Variants in RAD54L2 observed in about 807,000 individuals in gnomAD.
The protein encoded by RAD54L2 is RAD54 like 2.
RAD54L2 carries 27 observed loss-of-function variants against 138.4 expected under a neutral mutation model. The ratio of observed to expected loss-of-function variants is 0.20; its 90% CI spans 0.14 to 0.27. The LOEUF (loss-of-function observed/expected upper bound fraction) is 0.27, where lower values mean the gene tolerates loss of function less well. RAD54L2 is among the 10% of genes least tolerant of loss of function. RAD54L2 has a pLI of 1.00. For missense variants in RAD54L2, 1,396 were observed against 1,890.2 expected, an observed-to-expected ratio of 0.74 and a Z score of 4.85; for synonymous variants, 644 against 723.2, an observed-to-expected ratio of 0.89 and a Z score of 1.76.
chr3:51,636,393 A>T (rs1239669535), intron 10 of RAD54L2, among the ~76,000 whole-genome samples: 2 of 152,190 alleles, frequency 1.3e-5, no homozygotes, highest in Non-Finnish European at 2.9e-5. Flanking sequence ...TGAATTTGCC[A>T]TTTAGCAATG....
chr3:51,647,816 A>T (rs1433415355), intron 19 of RAD54L2, among the ~76,000 whole-genome samples: 1 of 152,002 alleles, frequency 6.6e-6, no homozygotes, highest in African/African-American at 2.4e-5. Context: ...CCCAGCCTAA[A>T]ATTTTTTTCC....
At position 51,637,029 on chromosome 3, in the gene RAD54L2, AG is replaced by A. The variant is rs1199548836; in HGVS notation, c.1340-126del. On this transcript the variant is annotated intron_variant, in intron 10 of 22. Coordinates refer to ENST00000684192, the MANE Select transcript of RAD54L2 (RefSeq NM_015106.4). This position sits in a 1 kb window ranked among gnomAD's most constrained non-coding sequence, Gnocchi z 5.9. ...TTGAATGGCTGGCACCCTCTCACCA[AG>A]GGGGGCTGACTCTTGCTTTCCTGCT... is the stretch of plus-strand genomic sequence containing the variant. 4.9e-5 allele frequency: 38 copies of A among 779,850 alleles called. No homozygotes were observed. Among genetic ancestry groups the A allele is most frequent in the Non-Finnish European group, 8.0e-5 (38 of 476,462 alleles). 48.3% of individuals were successfully genotyped at this position (779,850 alleles called of 1,614,324 possible).
In RAD54L2 at chr3:51,638,021, G is replaced by A; in HGVS notation, c.1683-123G>A. The A allele has an allele frequency of 1.2e-6, 1 of 859,578 alleles. No homozygotes were observed. The highest frequency in any genetic ancestry group is 1.8e-6 in the Non-Finnish European group (1 of 554,400). 53.2% of individuals were successfully genotyped at this position (859,578 alleles called of 1,614,324 possible). A position where few individuals can be genotyped will look rare whatever the true frequency, so the allele number is the denominator to read the frequency against. The stretch of plus-strand genomic sequence containing the variant: ...AACCACTCTGCATTATTGCAAGGCT[G>A]CAGTGCATGTTGAGATCCTCAAGAG... On this transcript the variant is annotated intron_variant, in intron 11 of 22. Transcript: ENST00000684192. The surrounding 1 kb of genome is among the most constrained non-coding windows in gnomAD (Gnocchi z 4.3).
Position 51,623,861 on chromosome 3 carries a change from C to T in RAD54L2, c.140-3692C>T, listed in dbSNP as rs144435674. Among the ~76,000 whole-genome samples, 749 of 151,828 alleles carry T rather than the reference C, an allele frequency of 4.9e-3. 4 individuals are homozygous for T. Among genetic ancestry groups the T allele is most frequent in the Non-Finnish European group, 7.8e-3 (531 of 67,974 alleles). Reference sequence around the variant, plus strand: ...GCATGGTGGTGGGCACCTGTAGTCCCAGCTACTTGGGAGGTGGAGGCAGGA... The same window carrying T: ...GCATGGTGGTGGGCACCTGTAGTCCTAGCTACTTGGGAGGTGGAGGCAGGA... On this transcript the variant is annotated intron_variant, in intron 3 of 22. Transcript: ENST00000684192.
intron 2 of RAD54L2, among the ~76,000 whole-genome samples, chr3:51,550,645 G>A (rs1209151723): frequency 6.6e-6 from 1 of 152,190 alleles, no homozygotes; most frequent in Admixed American, 6.6e-5. Flanking sequence ...GGAGGCTGAG[G>A]TGGGAGGATT....
At chr3:51,547,160 C>T (rs551782614) in intron 2 of RAD54L2, among the ~76,000 whole-genome samples, 49 of 152,046 alleles carry the variant, frequency 3.2e-4, no homozygotes, top group Admixed American at 7.2e-4. Context: ...TAGCCTGGGG[C>T]GACATGGTGA....
At chr3:51,553,441 T>C (rs1164832698) in intron 2 of RAD54L2, among the ~76,000 whole-genome samples, 1 of 152,232 alleles carries the variant, frequency 6.6e-6, no homozygotes, top group Non-Finnish European at 1.5e-5. Flanking sequence ...GCTTTGGAGA[T>C]CTTGCAGGTT....
At chr3:51,563,981 A>G (rs1003416854) in intron 2 of RAD54L2, among the ~76,000 whole-genome samples, 1 of 152,214 alleles carries the variant, frequency 6.6e-6, no homozygotes, top group African/African-American at 2.4e-5. Flanking sequence ...GGCAGCCCAG[A>G]GGGGGACAAC....
chr3:51,630,904 G>A lies in RAD54L2; in HGVS notation c.798G>A (p.Gln266=), dbSNP rs1700822611. 1 of 1,613,514 alleles carries A rather than the reference G, an allele frequency of 6.2e-7. No homozygotes were observed. The highest frequency in any genetic ancestry group is 2.2e-5 in the East Asian group (1 of 44,886). ...PEEENVFLAP[Q]LARAVKPHQI... is the part of the protein sequence containing the mutation. The stretch of plus-strand genomic sequence containing the variant: ...AGGAAAATGTCTTCCTTGCCCCACA[G>A]TTGGCACGGGCTGTGAAACCTCATC... The change falls in exon 7 of 23, where the codon CAG becomes CAA. Residue 266 remains glutamine (Q), a synonymous_variant. Transcript: ENST00000684192.
intron 15 of RAD54L2, among the ~76,000 whole-genome samples, chr3:51,642,270 G>C (rs977195391): frequency 2.0e-5 from 3 of 152,036 alleles, no homozygotes; most frequent in Non-Finnish European, 2.9e-5. Context: ...AAAGATCAGA[G>C]TGAACACAAG....
chr3:51,626,436 CTTTTT>C lies in RAD54L2; in HGVS notation c.140-1095_140-1091del, dbSNP rs768354274. 4.2e-3 allele frequency among the ~76,000 whole-genome samples: 167 copies of C among 39,392 alleles called. 7 individuals are homozygous for C. In the South Asian group the frequency reaches 0.066, roughly 16 times the overall value. The allele number at this position is 39,392 out of a possible 152,430, so 25.8% of individuals were successfully genotyped here. A position where few individuals can be genotyped will look rare whatever the true frequency, so the allele number is the denominator to read the frequency against. ...TGACATCCCCTGGACCCCCAACGAT[CTTTTT>C]TTTTTTTTTTTTTTTTTTTTTAAGA... On this transcript the variant is annotated intron_variant, in intron 3 of 22. Coordinates refer to ENST00000684192, the MANE Select transcript of RAD54L2 (RefSeq NM_015106.4).
intron 2 of RAD54L2, among the ~76,000 whole-genome samples, chr3:51,576,823 G>A (rs1699491178): frequency 6.6e-6 from 1 of 150,906 alleles, no homozygotes; most frequent in Non-Finnish European, 1.5e-5. Flanking sequence ...ATTTTTTTTT[G>A]AAGGGTTTTT....
At chr3:51,578,951 T>G (rs535764681) in intron 2 of RAD54L2, among the ~76,000 whole-genome samples, 1 of 152,212 alleles carries the variant, frequency 6.6e-6, no homozygotes, top group African/African-American at 2.4e-5. Flanking sequence ...GGGATTTTAT[T>G]GCTGATGAAA....
In RAD54L2 at chr3:51,663,445, T is replaced by C. The variant is rs777752329; in HGVS notation, c.*25T>C. ...GCTAGGGAGCCCCTCCCCACCTCAC[T>C]TGGGGCCCCCAGCAGGTTGCCCACC... On this transcript the variant is annotated 3_prime_UTR_variant, in exon 23 of 23. Transcript: ENST00000684192. 2.3e-5 allele frequency: 36 copies of C among 1,597,602 alleles called. No individual in the cohort carries two copies. The highest frequency in any genetic ancestry group is 3.0e-5 in the Non-Finnish European group (35 of 1,169,640).
chr3:51,657,705 G>A, intron 21 of RAD54L2, 36 bp downstream of exon 21: 1 of 1,398,712 alleles, frequency 7.1e-7, no homozygotes, highest in Non-Finnish European at 9.9e-7. Context: ...CCCTGCCTTT[G>A]GTTGAGAGTG....
In RAD54L2 at chr3:51,662,440, T is replaced by A; in HGVS notation, c.3424T>A (p.Ser1142Thr). Residue 1142 changes from serine to threonine, a missense_variant, in exon 23 of 23, where the codon TCT (serine) becomes ACT (threonine). Physicochemically the swap from Ser to Thr is moderately conservative, Grantham distance 58. This residue lies in a region of RAD54L2 where 634 missense variants were observed against 711.2 expected (regional missense o/e 0.89). Coordinates refer to ENST00000684192, the MANE Select transcript of RAD54L2 (RefSeq NM_015106.4). The surrounding 1 kb of genome is among the most constrained non-coding windows in gnomAD (Gnocchi z 4.6). ...TTTGTCCCCAGGTTCCCAGGGACCT[T>A]CTTGCGAGTCCACAAGCAACGGCAG... is the stretch of plus-strand genomic sequence containing the variant. ...RMAASGSQGP[S>T]CESTSNGRHS... 1 of 1,527,824 alleles carries A rather than the reference T, an allele frequency of 6.5e-7. No homozygotes were observed. Among genetic ancestry groups the A allele is most frequent in the Non-Finnish European group, 8.8e-7 (1 of 1,136,290 alleles). 94.6% of individuals were successfully genotyped at this position (1,527,824 alleles called of 1,614,324 possible).
rs1559648421 is a variant in RAD54L2 at position 51,640,056 on chromosome 3, C to T, written c.2231+57C>T. 1.8e-5 allele frequency: 25 copies of T among 1,359,282 alleles called. No homozygotes were observed. In the South Asian group the frequency reaches 2.5e-4, roughly 14 times the overall value. The allele number at this position is 1,359,282 out of a possible 1,614,324, so 84.2% of individuals were successfully genotyped here. On this transcript the variant is annotated intron_variant, in intron 14 of 22. Transcript: ENST00000684192. ...TGTCTATGGTAAAGAATGACAAAAC[C>T]ACCACAGAGCAAGACCAAGACCACC...
intron 3 of RAD54L2, 74 bp downstream of exon 3, chr3:51,590,633 G>A: frequency 6.5e-7 from 1 of 1,549,492 alleles, no homozygotes; most frequent in Non-Finnish European, 8.7e-7. Flanking sequence ...GGAGACCTTG[G>A]CGTTTCCAGT....
At chr3:51,564,569 G>C (rs1699169745) in intron 2 of RAD54L2, among the ~76,000 whole-genome samples, 1 of 152,152 alleles carries the variant, frequency 6.6e-6, no homozygotes, top group African/African-American at 2.4e-5. Flanking sequence ...GTATTACTAG[G>C]ATTCAGCAAA....
Sources: gnomAD v4.1 joint callset for allele counts (sites outside exome capture counted in the v4.1 genomes callset) on GRCh38, gnomAD v4.1.1 for gene constraint, gnomAD v4.1.1 regional missense constraint, Gnocchi (gnomAD v3.1) non-coding constraint, MANE v1.5 for transcripts, NCBI Gene and HGNC (gene_info 2026-07-23, HGNC 2026-07-21) for gene names.